The following GNA12 variants were observed in gnomAD, a reference collection of about 807,000 sequenced individuals.
GNA12 encodes guanine nucleotide-binding protein subunit alpha-12.
GNA12 carries 9 observed loss-of-function variants against 26.0 expected under a neutral mutation model. That is an observed-to-expected ratio of 0.35 (90% CI 0.21 to 0.60). The LOEUF (loss-of-function observed/expected upper bound fraction) is 0.60. Among genes scored for constraint, GNA12 ranks in the 20% least tolerant of loss-of-function variants. The pLI is 0.78. For synonymous variants in GNA12, 264 were observed against 219.6 expected, an observed-to-expected ratio of 1.20 and a Z score of -1.79; for missense variants, 405 against 525.8, an observed-to-expected ratio of 0.77 and a Z score of 2.25.
intron 2 of GNA12, among the ~76,000 whole-genome samples, chr7:2,735,512 C>A (rs1790124378): frequency 6.6e-6 from 1 of 152,164 alleles, no homozygotes; most frequent in Admixed American, 6.5e-5. Flanking sequence ...ACAGAGGGCA[C>A]AATCAGGACA....
chr7:2,791,395 G>C (rs1004057594), intron 2 of GNA12, among the ~76,000 whole-genome samples: 3 of 152,354 alleles, frequency 2.0e-5, no homozygotes, highest in African/African-American at 7.2e-5. Context: ...TATGGAAAGG[G>C]AAGATTTCCA....
At chr7:2,823,374 C>T (rs994971247) in intron 1 of GNA12, among the ~76,000 whole-genome samples, 7 of 152,176 alleles carry the variant, frequency 4.6e-5, no homozygotes, top group African/African-American at 1.4e-4. Flanking sequence ...CAACTTCAAC[C>T]GCAGCCCCAA....
intron 2 of GNA12, among the ~76,000 whole-genome samples, chr7:2,735,319 G>A (rs1320304340): frequency 1.3e-5 from 2 of 152,220 alleles, no homozygotes; most frequent in East Asian, 3.9e-4. Context: ...CCCGTTTCTA[G>A]GCAGGTGGTG....
chr7:2,814,307 C>A, intron 1 of GNA12: 1 of 1,513,110 alleles, frequency 6.6e-7, no homozygotes, highest in Non-Finnish European at 9.2e-7. Context: ...CGGAGTGAGA[C>A]TCACCCTGGA....
At chr7:2,814,567 G>C (rs974834197) in intron 1 of GNA12, among the ~76,000 whole-genome samples, 1 of 151,538 alleles carries the variant, frequency 6.6e-6, no homozygotes, top group African/African-American at 2.4e-5. Context: ...TTCTCAGTGC[G>C]GCCTTACTGG....
At position 2,779,304 on chromosome 7, in the gene GNA12, C is replaced by T. The variant is rs186377139; in HGVS notation, c.525+15624G>A. 2.4e-4 allele frequency among the ~76,000 whole-genome samples: 36 copies of T among 152,214 alleles called. No individual in the cohort carries two copies. In the Middle Eastern group the frequency reaches 0.014, roughly 58 times the overall value. ...CAGAGGTTGCAGTGAAACAAGATTG[C>T]GCCACTATAATCCAGCTTGGGTGAC... On this transcript the variant is annotated intron_variant, in intron 2 of 3. Transcript: ENST00000275364.
intron 1 of GNA12, among the ~76,000 whole-genome samples, chr7:2,840,853 C>CA (rs1212242232): frequency 4.6e-4 from 66 of 142,980 alleles, no homozygotes; most frequent in African/African-American, 1.6e-3. Context: ...GACTCTGTCT[C>CA]AAAAAATAAA....
chr7:2,804,377 G>GT (rs1440455653), intron 1 of GNA12, among the ~76,000 whole-genome samples: 1 of 152,110 alleles, frequency 6.6e-6, no homozygotes. Context: ...GTGTGTATGC[G>GT]TAAACCCATA....
In GNA12 at chr7:2,730,940, T is replaced by G. The variant is rs1789857504; in HGVS notation, c.*241A>C. On this transcript the variant is annotated 3_prime_UTR_variant, in exon 4 of 4. Transcript: ENST00000275364. ...GATTAGGTGTTCCGTATTCACAACA[T>G]CATCACTCGGATTTTCAGTAGTTTC... is the stretch of plus-strand genomic sequence containing the variant. The G allele has an allele frequency of 2.0e-6, 1 of 508,778 alleles. No individual in the cohort carries two copies. 31.5% of individuals were successfully genotyped at this position (508,778 alleles called of 1,614,324 possible).
At chr7:2,792,291 A>T (rs1792540115) in intron 2 of GNA12, among the ~76,000 whole-genome samples, 1 of 152,240 alleles carries the variant, frequency 6.6e-6, no homozygotes, top group Non-Finnish European at 1.5e-5. Flanking sequence ...TTGAGGCCCA[A>T]ATTTCTCACA....
chr7:2,842,085 G>C (rs1779007188), intron 1 of GNA12, among the ~76,000 whole-genome samples: 1 of 131,726 alleles, frequency 7.6e-6, no homozygotes, highest in Non-Finnish European at 1.7e-5. Flanking sequence ...AGGAAGGCGG[G>C]AAGGAAAGGA....
chr7:2,738,444 G>A (rs1227740239), intron 2 of GNA12, among the ~76,000 whole-genome samples: 1 of 152,198 alleles, frequency 6.6e-6, no homozygotes, highest in Non-Finnish European at 1.5e-5. Flanking sequence ...GAAGAGCTCC[G>A]TGGCTGGAAG....
intron 2 of GNA12, among the ~76,000 whole-genome samples, chr7:2,778,644 A>G (rs1792139064): frequency 6.6e-6 from 1 of 152,236 alleles, no homozygotes; most frequent in African/African-American, 2.4e-5. Context: ...AGCACAAAAG[A>G]AATTCAAAAT....
At chr7:2,781,027 C>T (rs905406747) in intron 2 of GNA12, among the ~76,000 whole-genome samples, 1 of 152,206 alleles carries the variant, frequency 6.6e-6, no homozygotes, top group Admixed American at 6.5e-5. Context: ...GGCATTGTCA[C>T]GTTTTAATTT....
intron 1 of GNA12, among the ~76,000 whole-genome samples, chr7:2,807,309 G>T (rs558780283): frequency 1.3e-4 from 20 of 152,184 alleles, no homozygotes; most frequent in Middle Eastern, 3.4e-3. Flanking sequence ...ACAATAATAA[G>T]TAATAAAGTA....
At chr7:2,738,926 G>C (rs1376402640) in intron 2 of GNA12, among the ~76,000 whole-genome samples, 3 of 152,068 alleles carry the variant, frequency 2.0e-5, no homozygotes, top group Non-Finnish European at 4.4e-5. Flanking sequence ...CCTGTGTGTA[G>C]CCTCGTGGCT....
chr7:2,750,236 G>A (rs1473457180), intron 2 of GNA12, among the ~76,000 whole-genome samples: 4 of 152,186 alleles, frequency 2.6e-5, no homozygotes, highest in Non-Finnish European at 5.9e-5. Context: ...TCCCAGCTCT[G>A]CTTAGACCCA....
chr7:2,804,254 C>CA (rs1336997400), intron 1 of GNA12, among the ~76,000 whole-genome samples: 2 of 152,160 alleles, frequency 1.3e-5, no homozygotes, highest in Non-Finnish European at 2.9e-5. Flanking sequence ...ATTTAGTAGG[C>CA]ATTTTAAAAA....
Position 2,728,223 on chromosome 7 carries a change from G to T in GNA12, c.*2958C>A, listed in dbSNP as rs896601440. The T allele has an allele frequency of 1.3e-5, 2 of 152,278 alleles. No homozygotes were observed. Among genetic ancestry groups the T allele is most frequent in the Non-Finnish European group, 2.9e-5 (2 of 68,034 alleles). 9.4% of individuals were successfully genotyped at this position (152,278 alleles called of 1,614,324 possible). On this transcript the variant is annotated 3_prime_UTR_variant, in exon 4 of 4. Coordinates refer to ENST00000275364, the MANE Select transcript of GNA12 (RefSeq NM_007353.3). ...ATACACTGTGCAAAGCTTACACCAT[G>T]AACAACTGACCCGGACCACTACCAT... is the stretch of plus-strand genomic sequence containing the variant.
Sources: gnomAD v4.1 joint callset for allele counts (sites outside exome capture counted in the v4.1 genomes callset) on GRCh38, gnomAD v4.1.1 for gene constraint, MANE v1.5 for transcripts, NCBI Gene and HGNC (gene_info 2026-07-23, HGNC 2026-07-21) for gene names.